Variants in RAB10 observed in about 807,000 individuals in gnomAD.
RAB10 encodes the protein ras-related protein Rab-10.
RAB10 carries 5 observed loss-of-function variants against 25.7 expected under a neutral mutation model. The observed-to-expected ratio is 0.19, with a 90% CI of 0.10 to 0.41. RAB10 has a LOEUF of 0.41. Among genes scored for constraint, RAB10 ranks in the 10% least tolerant of loss-of-function variants. The probability of loss-of-function intolerance (pLI) is 1.00; values close to 1 mark genes in which losing one functional copy is unlikely to be tolerated. For missense variants in RAB10, 103 were observed against 245.8 expected, an observed-to-expected ratio of 0.42 and a Z score of 3.89; for synonymous variants, 89 against 86.4, an observed-to-expected ratio of 1.03 and a Z score of -0.16.
intron 1 of RAB10, among the ~76,000 whole-genome samples, chr2:26,062,406 G>T (rs765104422): frequency 5.5e-4 from 84 of 152,108 alleles, no homozygotes; most frequent in Non-Finnish European, 1.0e-3. Flanking sequence ...TGCTGGGCAT[G>T]GTGGCTCATG....
At position 26,067,566 on chromosome 2, in the gene RAB10, C is replaced by T. The variant is rs563814995; in HGVS notation, c.128-31096C>T. Among the ~76,000 whole-genome samples, 65 of 152,300 alleles carry T rather than the reference C, an allele frequency of 4.3e-4. 2 individuals are homozygous for T. The South Asian group carries it at 0.013, about 30-fold the overall frequency. On this transcript the variant is annotated intron_variant, in intron 1 of 5. Transcript: ENST00000264710. The stretch of plus-strand genomic sequence containing the variant: ...ATATTCTCCTTCCAGCAACTGTCAA[C>T]ACCTGAAGGAGGGAGTTAGCTGCCT...
chr2:26,114,654 G>C (rs1667643975), intron 3 of RAB10, among the ~76,000 whole-genome samples: 1 of 151,648 alleles, frequency 6.6e-6, no homozygotes, highest in Admixed American at 6.6e-5. Flanking sequence ...ATTTTGGGAG[G>C]CCAAGGTGGG....
At chr2:26,119,413 A>T (rs1399028291) in intron 3 of RAB10, among the ~76,000 whole-genome samples, 1 of 152,180 alleles carries the variant, frequency 6.6e-6, no homozygotes, top group Non-Finnish European at 1.5e-5. Context: ...TGTCTCAAAA[A>T]AAAAATAAAT....
chr2:26,096,839 C>CT (rs1289625578), intron 1 of RAB10, among the ~76,000 whole-genome samples: 1 of 152,104 alleles, frequency 6.6e-6, no homozygotes, highest in Non-Finnish European at 1.5e-5. Context: ...ACTATAATTT[C>CT]TTTTTTGACC....
intron 1 of RAB10, among the ~76,000 whole-genome samples, chr2:26,039,482 G>A (rs1412226579): frequency 6.6e-6 from 1 of 151,326 alleles, no homozygotes; most frequent in Non-Finnish European, 1.5e-5. Context: ...TAGTAGCTGG[G>A]ATTACAGGTA....
intron 1 of RAB10, among the ~76,000 whole-genome samples, chr2:26,087,895 C>T (rs898914840): frequency 2.6e-5 from 4 of 152,206 alleles, no homozygotes; most frequent in African/African-American, 9.7e-5. Context: ...TCACATTCTA[C>T]ATTTTCACAT....
chr2:26,056,931 G>A (rs1303013964), intron 1 of RAB10, among the ~76,000 whole-genome samples: 1 of 152,128 alleles, frequency 6.6e-6, no homozygotes, highest in African/African-American at 2.4e-5. Flanking sequence ...CCTAAAAACT[G>A]TGTGGTGCCT....
intron 1 of RAB10, among the ~76,000 whole-genome samples, chr2:26,041,262 C>G (rs953322547): frequency 1.3e-5 from 2 of 151,960 alleles, no homozygotes; most frequent in African/African-American, 4.8e-5. Context: ...TAGCTGTGGC[C>G]GGGCGCAGTG....
chr2:26,086,775 C>T (rs1666997332), intron 1 of RAB10, among the ~76,000 whole-genome samples: 2 of 152,208 alleles, frequency 1.3e-5, no homozygotes, highest in African/African-American at 4.8e-5. Context: ...TGTACGCATA[C>T]AGTGGAGTAT....
At position 26,058,297 on chromosome 2, in the gene RAB10, A is replaced by G. The variant is rs543881435; in HGVS notation, c.127+23562A>G. Among the ~76,000 whole-genome samples the G allele has an allele frequency of 3.9e-5, 6 of 152,230 alleles. No individual in the cohort carries two copies. The South Asian group carries it at 6.2e-4, about 16-fold the overall frequency. On this transcript the variant is annotated intron_variant, in intron 1 of 5. Transcript: ENST00000264710. ...CCCTTCTTGACAAGGGGGCACCTAT[A>G]ATGATTCATTTAAAGTTGAATTCAT...
chr2:26,054,327 T>A (rs1666204121), intron 1 of RAB10, among the ~76,000 whole-genome samples: 1 of 152,050 alleles, frequency 6.6e-6, no homozygotes, highest in South Asian at 2.1e-4. Context: ...GTACTGGGAT[T>A]ACAGGCTTGA....
At chr2:26,129,802 C>G (rs1667976280) in intron 5 of RAB10, among the ~76,000 whole-genome samples, 1 of 152,056 alleles carries the variant, frequency 6.6e-6, no homozygotes, top group Non-Finnish European at 1.5e-5. Context: ...AGAATCCAGT[C>G]AGATCAAAAA....
chr2:26,077,449 T>C (rs758090424), intron 1 of RAB10, among the ~76,000 whole-genome samples: 7 of 152,234 alleles, frequency 4.6e-5, no homozygotes, highest in African/African-American at 7.2e-5. Flanking sequence ...AATGACCTTA[T>C]GAATCTTTCT....
In RAB10 at chr2:26,097,117, T is replaced by C. The variant is rs141794394; in HGVS notation, c.128-1545T>C. 7.7e-4 allele frequency among the ~76,000 whole-genome samples: 117 copies of C among 152,214 alleles called. 1 individual carries two copies. The Middle Eastern group carries it at 0.014, about 18-fold the overall frequency. On this transcript the variant is annotated intron_variant, in intron 1 of 5. Transcript: ENST00000264710. ...CTGTGGTCTTAGTTACTTGGAAGGCTGAGGTAAGAGGATCACTTAAGCCGG... is the reference window on the plus strand; with the variant it reads ...CTGTGGTCTTAGTTACTTGGAAGGCCGAGGTAAGAGGATCACTTAAGCCGG...
intron 1 of RAB10, among the ~76,000 whole-genome samples, chr2:26,036,177 T>C (rs1035031525): frequency 1.3e-5 from 2 of 152,216 alleles, no homozygotes; most frequent in African/African-American, 4.8e-5. Context: ...AAATATTTAT[T>C]GAGCACCTAA....
chr2:26,051,007 C>G (rs1480521074), intron 1 of RAB10, among the ~76,000 whole-genome samples: 5 of 152,088 alleles, frequency 3.3e-5, no homozygotes, highest in South Asian at 2.1e-4. Context: ...CAGCCTCAAC[C>G]TCCCGGGCTC....
rs150115225 is a variant in RAB10 at position 26,129,026 on chromosome 2, A to C, written c.519+1075A>C. On this transcript the variant is annotated intron_variant, in intron 5 of 5. Coordinates refer to ENST00000264710, the MANE Select transcript of RAB10 (RefSeq NM_016131.5). ...GGTGGCTCACGTCTATAATCCCAGC[A>C]CTTTGGGAGGCTGAGGCGGGTGGAT... Among the ~76,000 whole-genome samples the C allele has an allele frequency of 1.6e-3, 250 of 152,256 alleles. 1 individual carries two copies. Among genetic ancestry groups the C allele is most frequent in the African/African-American group, 5.9e-3 (247 of 41,538 alleles).
chr2:26,087,512 C>T (rs925419946), intron 1 of RAB10, among the ~76,000 whole-genome samples: 1 of 152,166 alleles, frequency 6.6e-6, no homozygotes, highest in Non-Finnish European at 1.5e-5. Flanking sequence ...AAGTGATTCT[C>T]CTGCCTCAGC....
chr2:26,119,597 C>T (rs1353450235), intron 3 of RAB10, among the ~76,000 whole-genome samples: 2 of 151,880 alleles, frequency 1.3e-5, no homozygotes. Context: ...TCACAGCTTA[C>T]TGCAGCCTCT....
Sources: allele counts gnomAD v4.1 joint callset (sites outside exome capture counted in the v4.1 genomes callset), GRCh38; gene constraint gnomAD v4.1.1; transcripts MANE v1.5; gene names NCBI Gene and HGNC (gene_info 2026-07-23, HGNC 2026-07-21).